ARFGAP1: variants seen among roughly 807,000 people sequenced by gnomAD.
ARFGAP1 encodes the protein ADP-ribosylation factor GTPase-activating protein 1.
Under a neutral mutation model 54.0 loss-of-function variants are expected in ARFGAP1, and 26 were observed. The ratio of observed to expected loss-of-function variants is 0.48; its 90% CI spans 0.35 to 0.67. The LOEUF is 0.67. Among genes scored for constraint, ARFGAP1 ranks in the 30% least tolerant of loss-of-function variants. The pLI is 0.00. For missense variants in ARFGAP1, 525 were observed against 535.8 expected, an observed-to-expected ratio of 0.98 and a Z score of 0.20; for synonymous variants, 248 against 211.9, an observed-to-expected ratio of 1.17 and a Z score of -1.48.
chr20:63,278,599 A>G (rs1385176151), intron 6 of ARFGAP1: 4 of 490,236 alleles, frequency 8.2e-6, no homozygotes, highest in Non-Finnish European at 1.1e-5. Context: ...TGCTGGACCT[A>G]TAAATGAATT....
intron 2 of ARFGAP1, 90 bp downstream of exon 2, chr20:63,275,730 C>A: frequency 7.7e-7 from 1 of 1,297,876 alleles, no homozygotes; most frequent in Non-Finnish European, 1.1e-6. Flanking sequence ...AGTTCTGGGA[C>A]CCTCCTGCAG....
At chr20:63,286,554 G>C in intron 12 of ARFGAP1, 112 bp downstream of exon 12, 2 of 1,074,748 alleles carry the variant, frequency 1.9e-6, no homozygotes, top group East Asian at 2.6e-5. Context: ...AAGGGGCACT[G>C]TGGAGGCTCT....
At chr20:63,283,764 C>T in intron 9 of ARFGAP1, 2 of 1,490,660 alleles carry the variant, frequency 1.3e-6, no homozygotes, top group East Asian at 2.3e-5. Flanking sequence ...TTGCGGCACC[C>T]CATGGTGGGT....
intron 5 of ARFGAP1, 84 bp downstream of exon 5, chr20:63,277,389 T>C (rs1169946556): frequency 2.5e-6 from 3 of 1,207,284 alleles, no homozygotes; most frequent in Admixed American, 5.9e-5. Flanking sequence ...ATTCTCCCCT[T>C]CTTTGCTGTT....
Position 63,285,873 on chromosome 20 carries a change from G to C in ARFGAP1, c.834+160G>C. 6 of 1,423,268 alleles carry C rather than the reference G, an allele frequency of 4.2e-6. No individual in the cohort carries two copies. The South Asian group carries it at 7.8e-5, about 19-fold the overall frequency. 88.2% of individuals were successfully genotyped at this position (1,423,268 alleles called of 1,614,324 possible). Reference sequence around the variant, plus strand: ...GGAGAGCTGCCCAGCCTGACAGCCCGAGGGATATGGAAACAACTTGGCCCA... The same window carrying C: ...GGAGAGCTGCCCAGCCTGACAGCCCCAGGGATATGGAAACAACTTGGCCCA... On this transcript the variant is annotated intron_variant, in intron 11 of 12. Transcript: ENST00000370283.
At chr20:63,286,046 C>T in intron 11 of ARFGAP1, 1 of 1,549,128 alleles carries the variant, frequency 6.5e-7, no homozygotes. Flanking sequence ...TGCATTTTGT[C>T]CTGTTTCCTG....
chr20:63,288,267 G>A lies in ARFGAP1; in HGVS notation c.*394G>A, dbSNP rs1238600225. 9.7e-6 allele frequency: 5 copies of A among 516,242 alleles called. No homozygotes were observed. The highest frequency in any genetic ancestry group is 1.9e-5 in the Non-Finnish European group (5 of 265,964). The allele number at this position is 516,242 out of a possible 1,614,324, so 32.0% of individuals were successfully genotyped here. Reference sequence around the variant, plus strand: ...CGTGCCGAGCTGTCAGCGACGTGAGGTGTCCCTTCTCGTTGAGATATTTAA... The same window carrying A: ...CGTGCCGAGCTGTCAGCGACGTGAGATGTCCCTTCTCGTTGAGATATTTAA... On this transcript the variant is annotated 3_prime_UTR_variant, in exon 13 of 13. Coordinates refer to ENST00000370283, the MANE Select transcript of ARFGAP1 (RefSeq NM_018209.4).
Position 63,281,281 on chromosome 20 carries a change from C to T in ARFGAP1, c.628-10C>T. The T allele has an allele frequency of 6.3e-7, 1 of 1,596,950 alleles. No homozygotes were observed. Among genetic ancestry groups the T allele is most frequent in the Non-Finnish European group, 8.5e-7 (1 of 1,174,198 alleles). ...GTCCTGATGTGGCTGCTCTTTGTCG[C>T]CTCCCTCAGGGCTGGAGCAGCTTCA... On this transcript the variant is annotated splice_polypyrimidine_tract_variant and intron_variant, in intron 7 of 12. Transcript: ENST00000370283.
rs1360027582 is a variant in ARFGAP1, at chr20:63,288,071, G to A, written c.*198G>A. ...AGTCTTCGGTGCGTGGGGGCGGCTTGCTGTCCAGCCTGTGTGGGGGCCGTC... is the reference window on the plus strand; with the variant it reads ...AGTCTTCGGTGCGTGGGGGCGGCTTACTGTCCAGCCTGTGTGGGGGCCGTC... On this transcript the variant is annotated 3_prime_UTR_variant, in exon 13 of 13. Coordinates refer to ENST00000370283, the MANE Select transcript of ARFGAP1 (RefSeq NM_018209.4). The A allele has an allele frequency of 1.5e-6, 1 of 661,174 alleles. No individual in the cohort carries two copies. Among genetic ancestry groups the A allele is most frequent in the Admixed American group, 2.9e-5 (1 of 34,586 alleles). The allele number at this position is 661,174 out of a possible 1,614,324, so 41.0% of individuals were successfully genotyped here. A position where few individuals can be genotyped will look rare whatever the true frequency, so the allele number is the denominator to read the frequency against.
chr20:63,286,273 G>A (rs567461439), intron 11 of ARFGAP1, 93 bp from the exon 12 acceptor site: 19 of 1,584,344 alleles, frequency 1.2e-5, no homozygotes, highest in Admixed American at 7.1e-5. Flanking sequence ...TCTTCTCAGC[G>A]GGACGGCGCG....
chr20:63,276,504 C>T lies in ARFGAP1; in HGVS notation c.195C>T (p.Asp65=). The change falls in exon 4 of 13, where the codon GAC becomes GAT. Residue 65 remains aspartate, a synonymous_variant. Transcript: ENST00000370283. This position sits in a 1 kb window ranked among gnomAD's most constrained non-coding sequence, Gnocchi z 5.2. The part of the protein sequence containing the change: ...HLSFVRSVTM[D]KWKDIELEKM... ...GCTTTGTGCGCTCTGTTACTATGGA[C>T]AAGTGGAAGGACATTGAGCTTGAGA... is the stretch of plus-strand genomic sequence containing the variant. 1 of 1,613,196 alleles carries T rather than the reference C, an allele frequency of 6.2e-7. No homozygotes were observed. The highest frequency in any genetic ancestry group is 8.5e-7 in the Non-Finnish European group (1 of 1,179,590).
intron 8 of ARFGAP1, among the ~76,000 whole-genome samples, chr20:63,282,214 G>T (rs1223762994): frequency 6.6e-6 from 1 of 152,248 alleles, no homozygotes; most frequent in African/African-American, 2.4e-5. Flanking sequence ...CCACGCTCCA[G>T]CTCCCACGGC....
chr20:63,281,252 C>T (rs769674209), intron 7 of ARFGAP1, 39 bp from the exon 8 acceptor site: 67 of 1,573,608 alleles, frequency 4.3e-5, no homozygotes, highest in Non-Finnish European at 5.3e-5. Flanking sequence ...GTTCCTGGGT[C>T]CCAGTCCTGA....
chr20:63,274,081 G>A (rs973783512), intron 1 of ARFGAP1: 2 of 152,242 alleles, frequency 1.3e-5, no homozygotes, highest in Admixed American at 6.5e-5. Flanking sequence ...CTGCGGTCAG[G>A]AGTGAGCATT....
chr20:63,284,868 G>T lies in ARFGAP1; in HGVS notation c.720G>T (p.Ala240=). Residue 240 remains alanine, a splice_region_variant and synonymous_variant, in exon 10 of 13, where the codon GCG becomes GCT. Transcript: ENST00000370283. The stretch of plus-strand genomic sequence containing the variant: ...TCACGTGACTTCCCTTCCTACAGGC[G>T]TCCGAGCTGGGCCACAGCCTGAACG... ...TKFGSQASQK[A]SELGHSLNEN... is the part of the protein sequence containing the mutation. 6.2e-7 allele frequency: 1 copy of T among 1,612,778 alleles called. No individual in the cohort carries two copies. The highest frequency in any genetic ancestry group is 1.1e-5 in the South Asian group (1 of 91,084).
In ARFGAP1 at chr20:63,278,126, C is replaced by A. The variant is rs544489978; in HGVS notation, c.453C>A (p.Gly151=). 28 of 1,613,614 alleles carry A rather than the reference C, an allele frequency of 1.7e-5. No individual in the cohort carries two copies. The South Asian group carries it at 3.0e-4, about 17-fold the overall frequency. The change falls in exon 6 of 13, where the codon GGC becomes GGA. Residue 151 remains glycine, a synonymous_variant. Coordinates refer to ENST00000370283, the MANE Select transcript of ARFGAP1 (RefSeq NM_018209.4). ...TLPSMVHRVS[G]QPQSVTASSD... ...CGATTCTCGGTTTCAGAGTCTCTGGCCAGCCGCAGAGTGTGACCGCCTCCT... is the reference window on the plus strand; with the variant it reads ...CGATTCTCGGTTTCAGAGTCTCTGGACAGCCGCAGAGTGTGACCGCCTCCT...
Position 63,287,789 on chromosome 20 carries a change from CGGCGGGGAG to C in ARFGAP1, c.1150_1158del (p.Gly384_Gly386del), listed in dbSNP as rs549946755. 646 of 1,568,304 alleles carry C rather than the reference CGGCGGGGAG, an allele frequency of 4.1e-4. 4 individuals carry two copies. Among genetic ancestry groups the C allele is most frequent in the African/African-American group, 5.5e-4 (41 of 73,906 alleles). On this transcript the variant is annotated inframe_deletion, in exon 13 of 13. Transcript: ENST00000370283. ...CCACCAACAGGAACAGCAACAGCGA[CGGCGGGGAG>C]GGCGGGGAGGGCACCAAGAAGGCAG...
intron 9 of ARFGAP1, chr20:63,284,607 C>T (rs1303532280): frequency 1.9e-5 from 25 of 1,337,608 alleles, no homozygotes; most frequent in Middle Eastern, 2.0e-4. Context: ...CGCATGGTGG[C>T]GCGTGAGGGA....
chr20:63,275,861 G>T (rs2067222202), intron 2 of ARFGAP1, among the ~76,000 whole-genome samples: 1 of 152,230 alleles, frequency 6.6e-6, no homozygotes, highest in Non-Finnish European at 1.5e-5. Context: ...GGGGGTGGGG[G>T]CGCCTCCACA....
Sources: allele counts gnomAD v4.1 joint callset (sites outside exome capture counted in the v4.1 genomes callset), GRCh38; gene constraint gnomAD v4.1.1; non-coding constraint Gnocchi (gnomAD v3.1); transcripts MANE v1.5; gene names NCBI Gene and HGNC (gene_info 2026-07-23, HGNC 2026-07-21).